Variants in OR4F15 observed in about 807,000 individuals in gnomAD.
OR4F15 encodes olfactory receptor family 4 subfamily F member 15.
OR4F15 carries 7 observed loss-of-function variants against 11.9 expected under a neutral mutation model. The observed-to-expected ratio is 0.59, with a 90% confidence interval of 0.33 to 1.10. The LOEUF is 1.10. OR4F15 is among the 50% of genes least tolerant of loss of function. OR4F15 has a pLI of 0.03. For missense variants in OR4F15, 445 were observed against 377.5 expected (o/e 1.18, Z -1.48); for synonymous variants, 151 against 134.6 (o/e 1.12, Z -0.84).
At chr15:101,817,053 T>A (rs182825405) in intron 1 of OR4F15, among the ~76,000 whole-genome samples, 54 of 152,300 alleles carry the variant, frequency 3.5e-4, no homozygotes, top group Admixed American at 1.7e-3. Flanking sequence ...TAGAGGAGAT[T>A]ATTTGTTTCA....
At position 101,818,320 on chromosome 15, in the gene OR4F15, T is replaced by C. The variant is rs61737907; in HGVS notation, c.134T>C (p.Ile45Thr). The change falls in exon 2 of 2, where the codon ATT (isoleucine) becomes ACT (threonine). Residue 45 changes from isoleucine (I) to threonine (T), a missense_variant. Ile to Thr is a moderately conservative substitution (Grantham distance 89). Transcript: ENST00000332238. ...GCGAGCATGATGGGAAACCTTGTCA[T>C]TGTATTCACTGTAACCATGGATGCT... ...YFASMMGNLV[I>T]VFTVTMDAHL... The C allele has an allele frequency of 7.3e-4, 1,173 of 1,614,148 alleles. 4 individuals carry two copies. In the African/African-American group the frequency reaches 0.014, roughly 19 times the overall value.
intron 1 of OR4F15, 50 bp from the exon 2 acceptor site, chr15:101,818,100 A>G (rs1903022082): frequency 1.1e-5 from 10 of 870,334 alleles, no homozygotes; most frequent in Non-Finnish European, 1.8e-5. Context: ...TCTTTCTTGA[A>G]CATGAATACT....
chr15:101,817,845 T>C (rs879386060), intron 1 of OR4F15, among the ~76,000 whole-genome samples: 1 of 152,162 alleles, frequency 6.6e-6, no homozygotes, highest in Non-Finnish European at 1.5e-5. Flanking sequence ...TATTTAAAGA[T>C]GACCTTATAT....
chr15:101,818,043 G>A (rs909060160), intron 1 of OR4F15, 107 bp from the exon 2 acceptor site: 3 of 638,904 alleles, frequency 4.7e-6, no homozygotes, highest in Non-Finnish European at 8.2e-6. Flanking sequence ...GGGTTATTTG[G>A]CTGTGTAAGA....
chr15:101,813,754 C>A (rs1191610635), intron 1 of OR4F15, among the ~76,000 whole-genome samples: 1 of 152,124 alleles, frequency 6.6e-6, no homozygotes, highest in Non-Finnish European at 1.5e-5. Flanking sequence ...CAATTCCGAT[C>A]CCATGCAATT....
Position 101,818,914 on chromosome 15 carries a change from A to G in OR4F15, c.728A>G (p.His243Arg), listed in dbSNP as rs1174177910. 6.2e-7 allele frequency: 1 copy of G among 1,614,066 alleles called. No individual in the cohort carries two copies. The highest frequency in any genetic ancestry group is 8.5e-7 in the Non-Finnish European group (1 of 1,179,998). The change falls in exon 2 of 2, where the codon CAT (histidine) becomes CGT (arginine). Residue 243 changes from histidine to arginine, a missense_variant. Physicochemically the swap from His to Arg is conservative, Grantham distance 29. Transcript: ENST00000332238. ...LAKALSTLSA[H>R]VTVVILFFGP... ...AAGGCCCTCTCTACCCTGTCAGCTC[A>G]TGTCACTGTGGTCATCTTGTTCTTT...
At chr15:101,815,550 T>C (rs1196815829) in intron 1 of OR4F15, among the ~76,000 whole-genome samples, 4 of 152,162 alleles carry the variant, frequency 2.6e-5, no homozygotes, top group Admixed American at 2.6e-4. Context: ...AAAGTAGAAA[T>C]TAGAGTGAGA....
Position 101,818,583 on chromosome 15 carries a change from C to G in OR4F15, c.397C>G (p.Leu133Val). ...YMAICKPLHY[L>V]TIMSPRMCLY... Reference sequence around the variant, plus strand: ...GGCCATATGTAAACCTCTCCACTACCTGACCATCATGAGCCCAAGAATGTG... The same window carrying G: ...GGCCATATGTAAACCTCTCCACTACGTGACCATCATGAGCCCAAGAATGTG... The change falls in exon 2 of 2, where the codon CTG (leucine) becomes GTG (valine). Residue 133 changes from leucine to valine, a missense_variant. Transcript: ENST00000332238. The G allele has an allele frequency of 6.2e-7, 1 of 1,614,210 alleles. No individual in the cohort carries two copies. Among genetic ancestry groups the G allele is most frequent in the Non-Finnish European group, 8.5e-7 (1 of 1,180,034 alleles).
chr15:101,815,697 A>G (rs1402343806), intron 1 of OR4F15, among the ~76,000 whole-genome samples: 1 of 152,172 alleles, frequency 6.6e-6, no homozygotes, highest in African/African-American at 2.4e-5. Flanking sequence ...ATTCTTGTCA[A>G]TGCTATATGC....
At chr15:101,813,954 G>A (rs1902946969) in intron 1 of OR4F15, among the ~76,000 whole-genome samples, 1 of 152,194 alleles carries the variant, frequency 6.6e-6, no homozygotes, top group African/African-American at 2.4e-5. Flanking sequence ...ATGGCCTTAG[G>A]AGAGAACACA....
In OR4F15 at chr15:101,819,164, C is replaced by A; in HGVS notation, c.*39C>A. On this transcript the variant is annotated 3_prime_UTR_variant, in exon 2 of 2. Transcript: ENST00000332238. ...CAAGATGTGTAACTATGGATTACTCCTCATGCTGATTGCATAAAAGAAACT... is the reference window on the plus strand; with the variant it reads ...CAAGATGTGTAACTATGGATTACTCATCATGCTGATTGCATAAAAGAAACT... The A allele has an allele frequency of 7.4e-7, 1 of 1,358,782 alleles. No homozygotes were observed. The highest frequency in any genetic ancestry group is 1.0e-6 in the Non-Finnish European group (1 of 989,802). The allele number at this position is 1,358,782 out of a possible 1,614,324, so 84.2% of individuals were successfully genotyped here.
chr15:101,818,928 A>C lies in OR4F15; in HGVS notation c.742A>C (p.Ile248Leu). The C allele has an allele frequency of 1.9e-6, 3 of 1,614,098 alleles. No homozygotes were observed. The highest frequency in any genetic ancestry group is 2.5e-6 in the Non-Finnish European group (3 of 1,179,998). ...STLSAHVTVV[I>L]LFFGPLMFFY... Reference sequence around the variant, plus strand: ...CCTGTCAGCTCATGTCACTGTGGTCATCTTGTTCTTTGGGCCACTGATGTT... The same window carrying C: ...CCTGTCAGCTCATGTCACTGTGGTCCTCTTGTTCTTTGGGCCACTGATGTT... The change falls in exon 2 of 2, where the codon ATC (isoleucine) becomes CTC (leucine). Residue 248 changes from isoleucine to leucine, a missense_variant. Coordinates refer to ENST00000332238, the MANE Select transcript of OR4F15 (RefSeq NM_001001674.2).
chr15:101,818,950 TG>T lies in OR4F15; in HGVS notation c.765del (p.Met255IlefsTer28). ...TVVILFFGPLMFFYTWPSPTS... is the reference protein window; with the variant it reads ...TVVILFFGPLXFFYTWPSPTS... ...GTCATCTTGTTCTTTGGGCCACTGA[TG>T]TTTTTCTACACATGGCCTTCTCCCA... On this transcript the variant is annotated frameshift_variant, in exon 2 of 2. Transcript: ENST00000332238. LOFTEE classifies it high-confidence loss of function. 6.2e-7 allele frequency: 1 copy of T among 1,614,212 alleles called. No individual in the cohort carries two copies. The highest frequency in any genetic ancestry group is 8.5e-7 in the Non-Finnish European group (1 of 1,180,040).
chr15:101,814,512 T>C (rs564438508), intron 1 of OR4F15, among the ~76,000 whole-genome samples: 1 of 152,296 alleles, frequency 6.6e-6, no homozygotes, highest in East Asian at 1.9e-4. Context: ...ACTCTAATGC[T>C]GCAGTTTTTT....
chr15:101,817,367 T>G (rs755621389), intron 1 of OR4F15, among the ~76,000 whole-genome samples: 9 of 152,208 alleles, frequency 5.9e-5, no homozygotes, highest in Non-Finnish European at 1.3e-4. Flanking sequence ...TCTCATTAAT[T>G]TACGCCTTCA....
chr15:101,815,711 A>G (rs1902977204), intron 1 of OR4F15, among the ~76,000 whole-genome samples: 2 of 152,132 alleles, frequency 1.3e-5, no homozygotes, highest in Admixed American at 6.6e-5. Flanking sequence ...TATATGCCCA[A>G]CCTCTGGAAT....
At position 101,820,037 on chromosome 15, in the gene OR4F15, A is replaced by AG. The variant is rs1230400057; in HGVS notation, c.*913dup. On this transcript the variant is annotated 3_prime_UTR_variant, in exon 2 of 2. Transcript: ENST00000332238. The stretch of plus-strand genomic sequence containing the variant: ...TACACGTACTAAAATCCAAGAATTG[A>AG]GCAGTGACTAGTTTGCCCAAAGGCA... 6.6e-6 allele frequency: 1 copy of AG among 152,264 alleles called. No homozygotes were observed. The highest frequency in any genetic ancestry group is 2.4e-5 in the African/African-American group (1 of 41,458). 9.4% of individuals were successfully genotyped at this position (152,264 alleles called of 1,614,324 possible).
chr15:101,815,958 A>G lies in OR4F15; in HGVS notation c.-37-2192A>G, dbSNP rs1474176833. On this transcript the variant is annotated intron_variant, in intron 1 of 1. Coordinates refer to ENST00000332238, the MANE Select transcript of OR4F15 (RefSeq NM_001001674.2). ...TACAGAGCAAAAGTCAGGATGCACC[A>G]TCTGTCCCCATTCCCTCAATATCTC... is the stretch of plus-strand genomic sequence containing the variant. Among the ~76,000 whole-genome samples the G allele has an allele frequency of 2.0e-5, 3 of 152,160 alleles. No individual in the cohort carries two copies. In the East Asian group the frequency reaches 5.8e-4, roughly 29 times the overall value.
chr15:101,814,060 A>G (rs916764703), intron 1 of OR4F15, among the ~76,000 whole-genome samples: 1 of 152,240 alleles, frequency 6.6e-6, no homozygotes, highest in Non-Finnish European at 1.5e-5. Flanking sequence ...AAAGATGAAT[A>G]CTTAATACTT....
Sources: gnomAD v4.1 joint callset for allele counts (sites outside exome capture counted in the v4.1 genomes callset) on GRCh38, gnomAD v4.1.1 for gene constraint, MANE v1.5 for transcripts, NCBI Gene and HGNC (gene_info 2026-07-23, HGNC 2026-07-21) for gene names.